PTPN14: variants seen among roughly 807,000 people sequenced by gnomAD.
The protein encoded by PTPN14 is protein tyrosine phosphatase non-receptor type 14.
A neutral mutation model predicts 126.8 loss-of-function variants in PTPN14; 53 were observed. That is an observed-to-expected ratio of 0.42 (90% CI 0.34 to 0.53). The LOEUF is 0.53. Ranked by LOEUF, PTPN14 falls within the 20% of genes least tolerant of loss-of-function variation. The pLI, the probability that PTPN14 is intolerant of heterozygous loss-of-function variation, is 0.08. For synonymous variants in PTPN14, 630 were observed against 599.3 expected, an observed-to-expected ratio of 1.05 and a Z score of -0.75; for missense variants, 1,257 against 1,552.9, an observed-to-expected ratio of 0.81 and a Z score of 3.20.
At chr1:214,462,426 C>T (rs1449483737) in intron 2 of PTPN14, among the ~76,000 whole-genome samples, 1 of 152,230 alleles carries the variant, frequency 6.6e-6, no homozygotes, top group African/African-American at 2.4e-5. Flanking sequence ...GATGCCTTCT[C>T]AGCCCCCAAA....
chr1:214,383,165 A>G lies in PTPN14; in HGVS notation c.2544+146T>C. 1 of 1,080,582 alleles carries G rather than the reference A, an allele frequency of 9.3e-7. No individual in the cohort carries two copies. Among genetic ancestry groups the G allele is most frequent in the Non-Finnish European group, 1.3e-6 (1 of 769,410 alleles). 66.9% of individuals were successfully genotyped at this position (1,080,582 alleles called of 1,614,324 possible). A position where few individuals can be genotyped will look rare whatever the true frequency, so the allele number is the denominator to read the frequency against. Reference sequence around the variant, plus strand: ...TTATCTGAAAGGGCAAAAACTCAACATTTTGTGTAATAAAGTACTACCTTT... The same window carrying G: ...TTATCTGAAAGGGCAAAAACTCAACGTTTTGTGTAATAAAGTACTACCTTT... On this transcript the variant is annotated intron_variant, in intron 13 of 18. Transcript: ENST00000366956. This position sits in a 1 kb window ranked among gnomAD's most constrained non-coding sequence, Gnocchi z 4.4.
intron 13 of PTPN14, among the ~76,000 whole-genome samples, chr1:214,381,068 T>C (rs1182963593): frequency 6.6e-6 from 1 of 152,222 alleles, no homozygotes; most frequent in African/African-American, 2.4e-5. Context: ...ATTACCCACA[T>C]GAATGGAATG....
intron 1 of PTPN14, among the ~76,000 whole-genome samples, chr1:214,484,133 G>A (rs116390850): frequency 0.034 from 5,253 of 152,334 alleles, 125 homozygotes; most frequent in Non-Finnish European, 0.056. Context: ...GTTGGATGTG[G>A]TGGCTCATGC....
chr1:214,532,672 T>G, intron 1 of PTPN14: 1 of 837,710 alleles, frequency 1.2e-6, no homozygotes. Flanking sequence ...TGCTGATGAC[T>G]TTAGAGTCAA....
chr1:214,549,513 C>A (rs1656052566), intron 1 of PTPN14, among the ~76,000 whole-genome samples: 1 of 152,198 alleles, frequency 6.6e-6, no homozygotes, highest in Non-Finnish European at 1.5e-5. Flanking sequence ...AAAAGGGCAT[C>A]ATGCCATTCA....
At chr1:214,389,831 A>C (rs755261835) in intron 11 of PTPN14, among the ~76,000 whole-genome samples, 1 of 152,252 alleles carries the variant, frequency 6.6e-6, no homozygotes, top group Non-Finnish European at 1.5e-5. Flanking sequence ...AAGAATAAAT[A>C]AATCAGTGCC....
intron 1 of PTPN14, among the ~76,000 whole-genome samples, chr1:214,468,043 GA>G (rs1169373494): frequency 1.0e-4 from 15 of 147,968 alleles, no homozygotes; most frequent in Admixed American, 2.7e-4. Context: ...ATCCAAGTGT[GA>G]AAAAAAAAAT....
intron 1 of PTPN14, among the ~76,000 whole-genome samples, chr1:214,492,210 C>G (rs564384577): frequency 6.6e-6 from 1 of 151,818 alleles, no homozygotes; most frequent in East Asian, 1.9e-4. Context: ...AGAAAAACTT[C>G]GGGAGAATAT....
chr1:214,514,363 A>G (rs1655049793), intron 1 of PTPN14, among the ~76,000 whole-genome samples: 2 of 152,210 alleles, frequency 1.3e-5, no homozygotes, highest in African/African-American at 4.8e-5. Context: ...CTGATGCATA[A>G]GAATTGCTCT....
At chr1:214,448,396 A>G (rs1041957066) in intron 3 of PTPN14, among the ~76,000 whole-genome samples, 3 of 65,160 alleles carry the variant, frequency 4.6e-5, no homozygotes, top group Non-Finnish European at 1.0e-4. Context: ...AAGCCGGGCT[A>G]ATTTTTTTTT....
chr1:214,501,571 T>A (rs746691694), intron 1 of PTPN14, among the ~76,000 whole-genome samples: 1 of 152,122 alleles, frequency 6.6e-6, no homozygotes, highest in Admixed American at 6.6e-5. Context: ...TATGAACAAT[T>A]AGGCTATAAA....
rs751808404 is a variant in PTPN14, at chr1:214,383,317, C to T, written c.2538G>A (p.Met846Ile). The T allele has an allele frequency of 6.2e-7, 1 of 1,609,238 alleles. No individual in the cohort carries two copies. The highest frequency in any genetic ancestry group is 2.2e-5 in the East Asian group (1 of 44,708). Reference sequence around the variant, plus strand: ...GGGAGAGGAGGACACTCACCCTGATCATCATCTCTCTCTCTATAATGCTGT... The same window carrying T: ...GGGAGAGGAGGACACTCACCCTGATTATCATCTCTCTCTCTATAATGCTGT... ...LEDSIIEREM[M>I]IRNLEKQKMA... The change falls in exon 13 of 19, where the codon ATG (methionine) becomes ATA (isoleucine). Residue 846 changes from methionine (M) to isoleucine (I), a missense_variant. Around this residue, in one of 3 missense-constraint regions of PTPN14, gnomAD observed 1,021 missense variants for 1,183.3 expected, o/e 0.86. Coordinates refer to ENST00000366956, the MANE Select transcript of PTPN14 (RefSeq NM_005401.5). The surrounding 1 kb of genome is among the most constrained non-coding windows in gnomAD (Gnocchi z 4.4).
intron 11 of PTPN14, among the ~76,000 whole-genome samples, chr1:214,388,388 C>T (rs796371475): frequency 2.9e-4 from 44 of 151,984 alleles, no homozygotes; most frequent in African/African-American, 1.0e-3. Context: ...ACAGGATAAT[C>T]TCTCATATTT....
At chr1:214,519,061 G>A (rs1265749182) in intron 1 of PTPN14, among the ~76,000 whole-genome samples, 1 of 152,116 alleles carries the variant, frequency 6.6e-6, no homozygotes, top group Non-Finnish European at 1.5e-5. Context: ...CTGAGGTCAG[G>A]AGTTCAAGAC....
intron 2 of PTPN14, among the ~76,000 whole-genome samples, chr1:214,461,635 G>GA (rs10579217): frequency 0.031 from 225 of 7,242 alleles, no homozygotes; most frequent in Admixed American, 0.059. Flanking sequence ...GTCTCAACTG[G>GA]AAAAAAAAAA....
At chr1:214,472,921 T>G (rs1056219192) in intron 1 of PTPN14, among the ~76,000 whole-genome samples, 3 of 152,242 alleles carry the variant, frequency 2.0e-5, no homozygotes, top group Non-Finnish European at 4.4e-5. Context: ...AGTGTGCCCA[T>G]GCTTGCTGAA....
At chr1:214,452,153 T>C (rs1217823162) in intron 2 of PTPN14, among the ~76,000 whole-genome samples, 179 bp from the exon 3 acceptor site, 2 of 152,212 alleles carry the variant, frequency 1.3e-5, no homozygotes, top group East Asian at 3.8e-4. Context: ...CACACTACTG[T>C]AACATACATG....
intron 5 of PTPN14, among the ~76,000 whole-genome samples, chr1:214,410,300 CT>C (rs55645471): frequency 9.3e-4 from 125 of 135,094 alleles, no homozygotes; most frequent in Non-Finnish European, 1.2e-3. Flanking sequence ...TTTTTTTTTT[CT>C]TTTTTTTTTT....
Position 214,411,736 on chromosome 1 carries a change from T to C in PTPN14, c.458A>G (p.Tyr153Cys). 1.3e-6 allele frequency: 2 copies of C among 1,509,792 alleles called. No homozygotes were observed. The highest frequency in any genetic ancestry group is 1.8e-6 in the Non-Finnish European group (2 of 1,095,214). 93.5% of individuals were successfully genotyped at this position (1,509,792 alleles called of 1,614,324 possible). A position where few individuals can be genotyped will look rare whatever the true frequency, so the allele number is the denominator to read the frequency against. Residue 153 changes from tyrosine to cysteine, a missense_variant, in exon 5 of 19, where the codon TAT becomes TGT. This residue lies in a region of PTPN14 where 1,021 missense variants were observed against 1,183.3 expected (regional missense o/e 0.86). Transcript: ENST00000366956. ...GAAATCTTGAGAATCAAACTGATTA[T>C]AGTCTCCAAAATCAGCTGAGAAGAA... ...GLAVQADFGD[Y>C]NQFDSQDFLR...
Sources: gnomAD v4.1 joint callset for allele counts (sites outside exome capture counted in the v4.1 genomes callset) on GRCh38, gnomAD v4.1.1 for gene constraint, gnomAD v4.1.1 regional missense constraint, Gnocchi (gnomAD v3.1) non-coding constraint, MANE v1.5 for transcripts, NCBI Gene and HGNC (gene_info 2026-07-23, HGNC 2026-07-21) for gene names.